The following N4BP2 variants were observed in gnomAD, a reference collection of about 807,000 sequenced individuals.
N4BP2 encodes NEDD4 binding protein 2, also known as NEDD4-binding protein 2.
In N4BP2, 91 loss-of-function variants were observed where a neutral mutation model predicts 152.8. The ratio of observed to expected loss-of-function variants is 0.60; its 90% CI spans 0.50 to 0.71. The LOEUF is 0.71. Ranked by LOEUF, N4BP2 falls within the 30% of genes least tolerant of loss-of-function variation. The pLI is 0.00. For synonymous variants in N4BP2, 646 were observed against 705.3 expected (o/e 0.92, Z 1.33); for missense variants, 1,923 against 2,059.1 (o/e 0.93, Z 1.28).
In N4BP2 at chr4:40,152,041, G is replaced by T. The variant is rs187799605; in HGVS notation, c.5144-739G>T. Among the ~76,000 whole-genome samples, 25 of 152,164 alleles carry T rather than the reference G, an allele frequency of 1.6e-4. No individual in the cohort carries two copies. The East Asian group carries it at 4.8e-3, about 29-fold the overall frequency. ...ATTAGTTTTCAGGATTTATATCCTTGATTTTCACAAGGTCATTTCCAAAAT... is the reference window on the plus strand; with the variant it reads ...ATTAGTTTTCAGGATTTATATCCTTTATTTTCACAAGGTCATTTCCAAAAT... On this transcript the variant is annotated intron_variant, in intron 16 of 17. Transcript: ENST00000261435.
intron 1 of N4BP2, among the ~76,000 whole-genome samples, chr4:40,060,634 C>T (rs1461366733): frequency 6.6e-5 from 10 of 150,716 alleles, no homozygotes; most frequent in African/African-American, 2.4e-4. Context: ...ACAGGGTCTC[C>T]CTCTGTTGTC....
intron 2 of N4BP2, among the ~76,000 whole-genome samples, chr4:40,075,111 G>C (rs1457763805): frequency 6.6e-6 from 1 of 151,952 alleles, no homozygotes; most frequent in Non-Finnish European, 1.5e-5. Context: ...TTTATGTGTG[G>C]TACTATGCAT....
the N4BP2 span, among the ~76,000 whole-genome samples, chr4:40,186,046 C>T: frequency 6.6e-6 from 1 of 152,068 alleles, no homozygotes; most frequent in African/African-American, 2.4e-5. Flanking sequence ...CTGAGATTGC[C>T]CAGGATGTGT....
intron 2 of N4BP2, among the ~76,000 whole-genome samples, chr4:40,075,009 A>C (rs937357126): frequency 6.7e-6 from 1 of 148,694 alleles, no homozygotes; most frequent in Non-Finnish European, 1.5e-5. Flanking sequence ...TCTGTAAAGA[A>C]AAAAAAAAAA....
intron 1 of N4BP2, among the ~76,000 whole-genome samples, chr4:40,063,334 A>G (rs1733803701): frequency 6.6e-6 from 1 of 152,214 alleles, no homozygotes; most frequent in African/African-American, 2.4e-5. Context: ...ACCTTTCCGT[A>G]CTTATACTCT....
At chr4:40,175,168 A>C in the N4BP2 span, among the ~76,000 whole-genome samples, 1 of 151,680 alleles carries the variant, frequency 6.6e-6, no homozygotes, top group Non-Finnish European at 1.5e-5. Context: ...CTATAGGTGC[A>C]TGCCACTGTG....
At chr4:40,065,662 A>G (rs546362600) in intron 1 of N4BP2, among the ~76,000 whole-genome samples, 1 of 152,326 alleles carries the variant, frequency 6.6e-6, no homozygotes, top group South Asian at 2.1e-4. Context: ...ACCGTATAGG[A>G]AATAATAGGA....
At chr4:40,114,298 TCA>T (rs1717160560) in intron 7 of N4BP2, among the ~76,000 whole-genome samples, 1 of 152,188 alleles carries the variant, frequency 6.6e-6, no homozygotes, top group African/African-American at 2.4e-5. Context: ...TTTAGTATAT[TCA>T]CAGTGTTGTG....
chr4:40,071,658 T>C (rs1287981685), intron 1 of N4BP2, among the ~76,000 whole-genome samples: 1 of 151,484 alleles, frequency 6.6e-6, no homozygotes, highest in Non-Finnish European at 1.5e-5. Context: ...CCTCTGTCTC[T>C]TGGGTTCAGG....
chr4:40,095,675 G>A (rs879395998), intron 2 of N4BP2, among the ~76,000 whole-genome samples: 2 of 152,140 alleles, frequency 1.3e-5, no homozygotes, highest in Non-Finnish European at 2.9e-5. Flanking sequence ...AGGGGAGATT[G>A]GGGCAGAGGG....
chr4:40,172,128 G>A, the N4BP2 span, among the ~76,000 whole-genome samples: 7 of 152,008 alleles, frequency 4.6e-5, no homozygotes, highest in African/African-American at 1.5e-4. Flanking sequence ...GACTAGTCTC[G>A]GTCTTGAACT....
At position 40,091,981 on chromosome 4, in the gene N4BP2, CAAAAAAA is replaced by C. The variant is rs1189250112; in HGVS notation, c.-114-5226_-114-5220del. 2.0e-4 allele frequency among the ~76,000 whole-genome samples: 4 copies of C among 20,034 alleles called. No individual in the cohort carries two copies. In the East Asian group the frequency reaches 5.7e-3, roughly 28 times the overall value. 13.1% of individuals were successfully genotyped at this position (20,034 alleles called of 152,430 possible). On this transcript the variant is annotated intron_variant, in intron 2 of 17. Transcript: ENST00000261435. ...TGGGTGATAGAGCAAGACCTTGTGTCAAAAAAAAAAAAAAAAAAAAAAAAAATTATAT... is the reference window on the plus strand; with the variant it reads ...TGGGTGATAGAGCAAGACCTTGTGTCAAAAAAAAAAAAAAAAAAATTATAT...
chr4:40,111,184 T>A (rs1271498347), intron 5 of N4BP2, among the ~76,000 whole-genome samples: 1 of 152,214 alleles, frequency 6.6e-6, no homozygotes, highest in Admixed American at 6.5e-5. Flanking sequence ...TCATTTATCC[T>A]TCATGTTAAC....
chr4:40,134,983 A>G (rs1049114836), intron 13 of N4BP2, among the ~76,000 whole-genome samples: 143 of 89,216 alleles, frequency 1.6e-3, no homozygotes, highest in Middle Eastern at 5.9e-3. Flanking sequence ...GTTTTAGGGT[A>G]CATGTGCACA....
At chr4:40,104,844 G>GCC (rs1345243324) in intron 4 of N4BP2, among the ~76,000 whole-genome samples, 8 of 149,356 alleles carry the variant, frequency 5.4e-5, no homozygotes, top group African/African-American at 2.0e-4. Context: ...TTGCTCTGTC[G>GCC]CCCAGGCTAG....
intron 16 of N4BP2, among the ~76,000 whole-genome samples, chr4:40,146,591 A>C (rs1720539244): frequency 6.6e-6 from 1 of 152,240 alleles, no homozygotes; most frequent in Non-Finnish European, 1.5e-5. Context: ...GATTTGATAA[A>C]TGTACACATT....
chr4:40,126,696 C>T (rs1200782021), intron 12 of N4BP2, among the ~76,000 whole-genome samples: 1 of 152,112 alleles, frequency 6.6e-6, no homozygotes, highest in East Asian at 1.9e-4. Context: ...GCCTTGACCT[C>T]CAGGGCTCAA....
chr4:40,058,865 G>A (rs924710753), intron 1 of N4BP2, among the ~76,000 whole-genome samples: 4 of 152,062 alleles, frequency 2.6e-5, no homozygotes, highest in Admixed American at 6.5e-5. Context: ...GTATCGCCAA[G>A]GCTGGAGTGC....
At chr4:40,138,063 G>C (rs935882362) in intron 14 of N4BP2, among the ~76,000 whole-genome samples, 1 of 152,174 alleles carries the variant, frequency 6.6e-6, no homozygotes, top group Non-Finnish European at 1.5e-5. Context: ...GGGGCAGGAG[G>C]AGCAGCCTCT....
Sources: gnomAD v4.1 joint callset for allele counts (sites outside exome capture counted in the v4.1 genomes callset) on GRCh38, gnomAD v4.1.1 for gene constraint, MANE v1.5 for transcripts, NCBI Gene and HGNC (gene_info 2026-07-23, HGNC 2026-07-21) for gene names.